Variants in TAFA2 observed in about 807,000 individuals in gnomAD.
The protein encoded by TAFA2 is chemokine-like protein TAFA-2.
A neutral mutation model predicts 18.8 loss-of-function variants in TAFA2; 7 were observed. The observed-to-expected ratio is 0.37, with a 90% CI of 0.21 to 0.70. TAFA2 has a LOEUF of 0.70. TAFA2 is among the 30% of genes least tolerant of loss of function. The probability of loss-of-function intolerance (pLI) is 0.53; values close to 1 mark genes in which losing one functional copy is unlikely to be tolerated. For synonymous variants in TAFA2, 60 were observed against 54.2 expected, an observed-to-expected ratio of 1.11 and a Z score of -0.47; for missense variants, 122 against 158.1, an observed-to-expected ratio of 0.77 and a Z score of 1.23.
intron 1 of TAFA2, among the ~76,000 whole-genome samples, chr12:61,960,569 G>T (rs990209089): frequency 6.6e-6 from 1 of 151,976 alleles, no homozygotes; most frequent in African/African-American, 2.4e-5. Flanking sequence ...GAGAAACTCA[G>T]AGAGTGATTA....
intron 1 of TAFA2, chr12:62,253,012 C>T (rs2062921951): frequency 6.6e-6 from 1 of 152,178 alleles, no homozygotes; most frequent in Non-Finnish European, 1.5e-5. Flanking sequence ...ATTTGATTCT[C>T]CTCCATGGAT....
chr12:61,941,071 T>C (rs565027587), intron 1 of TAFA2, among the ~76,000 whole-genome samples: 1 of 152,312 alleles, frequency 6.6e-6, no homozygotes, highest in South Asian at 2.1e-4. Flanking sequence ...AATATGGGCA[T>C]GTAAATCTAT....
chr12:61,987,816 T>C (rs1246449752), intron 1 of TAFA2, among the ~76,000 whole-genome samples: 1 of 152,124 alleles, frequency 6.6e-6, no homozygotes, highest in Admixed American at 6.5e-5. Flanking sequence ...CATAACAGAG[T>C]GTCCTCAAAA....
At chr12:62,160,297 C>A (rs1163075234) in intron 1 of TAFA2, among the ~76,000 whole-genome samples, 1 of 152,182 alleles carries the variant, frequency 6.6e-6, no homozygotes, top group Admixed American at 6.5e-5. Flanking sequence ...TGCATTGAGG[C>A]AGCTCATGGG....
At position 62,198,173 on chromosome 12, in the gene TAFA2, A is replaced by G. The variant is rs2062656581; in HGVS notation, c.-130+60590T>C. 2.0e-5 allele frequency: 3 copies of G among 151,510 alleles called. No individual in the cohort carries two copies. The South Asian group carries it at 6.3e-4, about 32-fold the overall frequency. 9.4% of individuals were successfully genotyped at this position (151,510 alleles called of 1,614,324 possible). ...ACATCTCATAAAGCAGACGATATAA[A>G]CCCACTTATCACATGAAAAAAAAAA... On this transcript the variant is annotated intron_variant, in intron 1 of 5. Coordinates refer to the TAFA2 transcript ENST00000551619.
At chr12:62,208,041 G>T (rs1361818796) in intron 1 of TAFA2, among the ~76,000 whole-genome samples, 1 of 152,110 alleles carries the variant, frequency 6.6e-6, no homozygotes, top group African/African-American at 2.4e-5. Flanking sequence ...CTCATTCCCT[G>T]GCTGGATGCT....
At chr12:62,207,935 C>T (rs1383975016) in intron 1 of TAFA2, among the ~76,000 whole-genome samples, 1 of 152,168 alleles carries the variant, frequency 6.6e-6, no homozygotes, top group African/African-American at 2.4e-5. Flanking sequence ...GCTTAATCCT[C>T]CTTCAATCCC....
intron 1 of TAFA2, among the ~76,000 whole-genome samples, chr12:61,885,291 A>G (rs542699387): frequency 2.0e-5 from 3 of 152,292 alleles, no homozygotes; most frequent in East Asian, 3.9e-4. Flanking sequence ...GTCAGATAAA[A>G]GAGTAGAGAA....
At chr12:61,859,433 ATTTTGT>A (rs71450565) in intron 2 of TAFA2, among the ~76,000 whole-genome samples, 3 of 151,260 alleles carry the variant, frequency 2.0e-5, no homozygotes, top group East Asian at 2.0e-4. Context: ...ACAAAGCAAT[ATTTTGT>A]TTTTGTTTTT....
intron 1 of TAFA2, among the ~76,000 whole-genome samples, chr12:62,074,262 C>G (rs1882705149): frequency 6.6e-6 from 1 of 152,228 alleles, no homozygotes; most frequent in South Asian, 2.1e-4. Context: ...ACTGCACAGG[C>G]ACAGAGTTTT....
intron 1 of TAFA2, among the ~76,000 whole-genome samples, chr12:62,026,147 G>T (rs1052226687): frequency 1.3e-5 from 2 of 152,076 alleles, no homozygotes; most frequent in African/African-American, 4.8e-5. Context: ...CCATGAAAAG[G>T]ATTAATTAAA....
chr12:62,123,704 TACATTCTGAACCCTCCCCCAACA>T (rs1870316798), intron 1 of TAFA2, among the ~76,000 whole-genome samples: 1 of 124,776 alleles, frequency 8.0e-6, no homozygotes, highest in African/African-American at 3.0e-5. Context: ...CACACACACA[TACATTCTGAACCCTCCCCCAACA>T]CACACACACA....
intron 2 of TAFA2, among the ~76,000 whole-genome samples, chr12:61,820,993 C>A (rs1872297441): frequency 6.6e-6 from 1 of 151,960 alleles, no homozygotes; most frequent in Non-Finnish European, 1.5e-5. Context: ...ATGTCTGTAC[C>A]TTCCCTAATT....
intron 4 of TAFA2, among the ~76,000 whole-genome samples, chr12:61,753,320 A>T (rs571503061): frequency 1.3e-5 from 2 of 152,182 alleles, no homozygotes; most frequent in African/African-American, 4.8e-5. Flanking sequence ...ACCCTCCCAG[A>T]ATTTAACATG....
At chr12:62,139,410 C>G (rs2062222918) in intron 1 of TAFA2, among the ~76,000 whole-genome samples, 1 of 152,034 alleles carries the variant, frequency 6.6e-6, no homozygotes, top group Non-Finnish European at 1.5e-5. Context: ...CATTACACCC[C>G]AGAGTGTCAA....
At chr12:62,254,045 T>C (rs2062927058) in intron 1 of TAFA2, among the ~76,000 whole-genome samples, 1 of 152,252 alleles carries the variant, frequency 6.6e-6, no homozygotes, top group Non-Finnish European at 1.5e-5. Flanking sequence ...AAAGCTACAC[T>C]TTAAATATTA....
intron 1 of TAFA2, among the ~76,000 whole-genome samples, chr12:61,873,299 A>ATTT (rs1874699774): frequency 1.4e-5 from 1 of 70,334 alleles, no homozygotes; most frequent in Non-Finnish European, 2.6e-5. Flanking sequence ...TTATTTATTA[A>ATTT]TTTTTATTAT....
At chr12:62,249,817 C>G (rs2062903863) in intron 1 of TAFA2, among the ~76,000 whole-genome samples, 1 of 152,196 alleles carries the variant, frequency 6.6e-6, no homozygotes, top group African/African-American at 2.4e-5. Context: ...CCATCTCCAT[C>G]TCTAAACAGG....
At chr12:61,729,764 G>C (rs1009165426) in intron 4 of TAFA2, among the ~76,000 whole-genome samples, 12 of 151,948 alleles carry the variant, frequency 7.9e-5, no homozygotes, top group Admixed American at 6.6e-4. Flanking sequence ...TTGCTGTTGA[G>C]ACAGTGTGAT....
Sources: allele counts gnomAD v4.1 joint callset (sites outside exome capture counted in the v4.1 genomes callset), GRCh38; gene constraint gnomAD v4.1.1; transcripts MANE v1.5; gene names NCBI Gene and HGNC (gene_info 2026-07-23, HGNC 2026-07-21).